RUNX1: variants seen among roughly 807,000 people sequenced by gnomAD.
The protein encoded by RUNX1 is RUNX family transcription factor 1, also known as runt-related transcription factor 1.
A neutral mutation model predicts 42.8 loss-of-function variants in RUNX1; 19 were observed. That is an observed-to-expected ratio of 0.44 (90% CI 0.31 to 0.65). The LOEUF is 0.65. Ranked by LOEUF, RUNX1 falls within the 30% of genes least tolerant of loss-of-function variation. The pLI is 0.07. For missense variants in RUNX1, 528 were observed against 672.0 expected (o/e 0.79, Z 2.37); for synonymous variants, 271 against 289.4 (o/e 0.94, Z 0.64).
rs964251652 is a variant in RUNX1 at position 34,791,333 on chromosome 21, T to C, written c.*802A>G. 20 of 231,620 alleles carry C rather than the reference T, an allele frequency of 8.6e-5. No individual in the cohort carries two copies. The highest frequency in any genetic ancestry group is 1.5e-4 in the Non-Finnish European group (18 of 116,990). The allele number at this position is 231,620 out of a possible 1,614,324, so 14.3% of individuals were successfully genotyped here. On this transcript the variant is annotated 3_prime_UTR_variant, in exon 9 of 9. Transcript: ENST00000675419. ...TAAGTACATTTAAATAATTAAAAAA[T>C]TATCAACACATAAATGTCTGAACAT...
intron 5 of RUNX1, among the ~76,000 whole-genome samples, chr21:34,864,099 C>T (rs1601481598): frequency 6.6e-6 from 1 of 152,354 alleles, no homozygotes; most frequent in African/African-American, 2.4e-5. Context: ...AACGGGCGCA[C>T]CTGACAGGAG....
intron 2 of RUNX1, among the ~76,000 whole-genome samples, chr21:34,923,870 G>A (rs1232536880): frequency 3.5e-5 from 4 of 113,152 alleles, no homozygotes; most frequent in Admixed American, 3.5e-4. Flanking sequence ...CTTCCACGCT[G>A]CTGCTGAGCC....
rs200052544 is a variant in RUNX1 at position 34,924,096 on chromosome 21, C to T, written c.59-31133G>A. On this transcript the variant is annotated intron_variant, in intron 2 of 8. Coordinates refer to ENST00000675419, the MANE Select transcript of RUNX1 (RefSeq NM_001754.5). ...TTTACTCACTCAGTGACCCACCCCC[C>T]GCCATGGTGGTTTTGCCTCTTCCCC... 9.6e-3 allele frequency among the ~76,000 whole-genome samples: 1,442 copies of T among 150,336 alleles called. 23 individuals are homozygous for T. The highest frequency in any genetic ancestry group is 0.028 in the African/African-American group (1,175 of 41,260).
intron 3 of RUNX1, among the ~76,000 whole-genome samples, chr21:34,891,964 A>G (rs1254576140): frequency 6.6e-6 from 1 of 152,236 alleles, no homozygotes; most frequent in Admixed American, 6.5e-5. Context: ...TGGTCTCAGA[A>G]GATAACTAAA....
At position 34,843,269 on chromosome 21, in the gene RUNX1, G is replaced by A. The variant is rs983920730; in HGVS notation, c.614-8668C>T. ...CACATATAAATACACACAGACACATGTACATACGTCACACAGACACATATA... is the reference window on the plus strand; with the variant it reads ...CACATATAAATACACACAGACACATATACATACGTCACACAGACACATATA... On this transcript the variant is annotated intron_variant, in intron 6 of 8. Transcript: ENST00000675419. This position sits in a 1 kb window ranked among gnomAD's most constrained non-coding sequence, Gnocchi z 4.8. 1.3e-5 allele frequency among the ~76,000 whole-genome samples: 2 copies of A among 151,764 alleles called. No individual in the cohort carries two copies. Among genetic ancestry groups the A allele is most frequent in the African/African-American group, 4.8e-5 (2 of 41,262 alleles).
intron 2 of RUNX1, among the ~76,000 whole-genome samples, chr21:34,962,438 T>C (rs2058688217): frequency 6.6e-6 from 1 of 152,210 alleles, no homozygotes; most frequent in Non-Finnish European, 1.5e-5. Context: ...CTCTTCCCTT[T>C]TGCTAGCATA....
chr21:34,977,309 A>T (rs1326921177), intron 2 of RUNX1, among the ~76,000 whole-genome samples: 2 of 152,224 alleles, frequency 1.3e-5, no homozygotes, highest in African/African-American at 2.4e-5. Context: ...TATAATAATA[A>T]TTGGTGAACT....
At chr21:35,011,968 T>C (rs2059129489) in intron 2 of RUNX1, among the ~76,000 whole-genome samples, 1 of 152,226 alleles carries the variant, frequency 6.6e-6, no homozygotes, top group Admixed American at 6.5e-5. Flanking sequence ...CTCTTTTGTA[T>C]GTTTTTCTCT....
intron 7 of RUNX1, among the ~76,000 whole-genome samples, chr21:34,815,476 C>T (rs958679084): frequency 6.6e-6 from 1 of 152,118 alleles, no homozygotes; most frequent in Admixed American, 6.5e-5. Context: ...GTCCTGAAGC[C>T]CCCGCCATAG....
intron 7 of RUNX1, among the ~76,000 whole-genome samples, chr21:34,819,349 G>C (rs1003314): frequency 0.8 from 121,260 of 152,194 alleles, 50,474 homozygotes; most frequent in East Asian, 0.99. Context: ...CTATGGGAGG[G>C]GAAGATGGAG....
chr21:34,825,994 C>T (rs1208851195), intron 7 of RUNX1, among the ~76,000 whole-genome samples: 2 of 152,220 alleles, frequency 1.3e-5, no homozygotes, highest in Non-Finnish European at 2.9e-5. Context: ...GTCTTGCCAA[C>T]ACTTTGATTT....
At chr21:34,987,365 C>A (rs2058897191) in intron 2 of RUNX1, among the ~76,000 whole-genome samples, 1 of 152,212 alleles carries the variant, frequency 6.6e-6, no homozygotes, top group Non-Finnish European at 1.5e-5. Context: ...GCAGGGAGCA[C>A]AGAGATCTTC....
chr21:34,965,035 T>TAC (rs1198372436), intron 2 of RUNX1, among the ~76,000 whole-genome samples: 1 of 152,102 alleles, frequency 6.6e-6, no homozygotes, highest in Non-Finnish European at 1.5e-5. Context: ...GGGATGTGAA[T>TAC]ACACACACAT....
intron 2 of RUNX1, among the ~76,000 whole-genome samples, chr21:35,000,220 A>ATAATTT (rs1207341965): frequency 6.7e-6 from 1 of 150,210 alleles, no homozygotes. Context: ...AGACGATCAT[A>ATAATTT]TAATTTTCTT....
chr21:34,967,025 T>G (rs923441947), intron 2 of RUNX1, among the ~76,000 whole-genome samples: 2 of 152,084 alleles, frequency 1.3e-5, no homozygotes, highest in African/African-American at 4.8e-5. Flanking sequence ...AGGGATGTAA[T>G]GAAAACACAT....
At chr21:34,915,261 A>G (rs1281658249) in intron 2 of RUNX1, among the ~76,000 whole-genome samples, 1 of 152,220 alleles carries the variant, frequency 6.6e-6, no homozygotes, top group Non-Finnish European at 1.5e-5. Context: ...TTAAATTCTG[A>G]CCAAAACTTA....
At chr21:35,046,583 C>T (rs980284495) in intron 2 of RUNX1, among the ~76,000 whole-genome samples, 6 of 152,176 alleles carry the variant, frequency 3.9e-5, no homozygotes, top group African/African-American at 1.2e-4. Context: ...GATGGTGATT[C>T]TTCTAGCATC....
At chr21:34,934,770 A>G (rs1189863949) in intron 2 of RUNX1, among the ~76,000 whole-genome samples, 1 of 152,160 alleles carries the variant, frequency 6.6e-6, no homozygotes, top group African/African-American at 2.4e-5. Context: ...CCTTGACTGT[A>G]ATGAAAAGAG....
intron 5 of RUNX1, among the ~76,000 whole-genome samples, chr21:34,879,968 C>T (rs897394188): frequency 1.3e-5 from 2 of 152,162 alleles, no homozygotes; most frequent in Non-Finnish European, 1.5e-5. Context: ...CCCAACCCCT[C>T]CTCCTAAATA....
Sources: gnomAD v4.1 joint callset for allele counts (sites outside exome capture counted in the v4.1 genomes callset) on GRCh38, gnomAD v4.1.1 for gene constraint, Gnocchi (gnomAD v3.1) non-coding constraint, MANE v1.5 for transcripts, NCBI Gene and HGNC (gene_info 2026-07-23, HGNC 2026-07-21) for gene names.